Variants in HTRA1 observed in about 807,000 individuals in gnomAD.
HTRA1 encodes the protein HtrA serine peptidase 1.
A neutral mutation model predicts 49.7 loss-of-function variants in HTRA1; 26 were observed. That is an observed-to-expected ratio of 0.52 (90% CI 0.38 to 0.73). HTRA1 has a LOEUF of 0.73. Ranked by LOEUF, HTRA1 falls within the 30% of genes least tolerant of loss-of-function variation. The probability of loss-of-function intolerance (pLI) is 0.00; values close to 1 mark genes in which losing one functional copy is unlikely to be tolerated. For missense variants in HTRA1, 561 were observed against 667.2 expected, an observed-to-expected ratio of 0.84 and a Z score of 1.75; for synonymous variants, 291 against 286.9, an observed-to-expected ratio of 1.01 and a Z score of -0.14.
chr10:122,462,966 G>A (rs904025590), intron 1 of HTRA1, among the ~76,000 whole-genome samples: 2 of 152,270 alleles, frequency 1.3e-5, no homozygotes, highest in African/African-American at 4.8e-5. Context: ...ACTCTCTCGC[G>A]GGACCTTCCG....
In HTRA1 at chr10:122,506,507, G is replaced by A. The variant is rs1332064160; in HGVS notation, c.778-184G>A. ...GCACGGCTTGCAATGTGTGGATTAC[G>A]GGTGGGAGGGAAATCCAGTCCTGCC... On this transcript the variant is annotated intron_variant, in intron 3 of 8. Transcript: ENST00000368984. The surrounding 1 kb of genome is among the most constrained non-coding windows in gnomAD (Gnocchi z 5.2). Among the ~76,000 whole-genome samples, 9 of 152,062 alleles carry A rather than the reference G, an allele frequency of 5.9e-5. No individual in the cohort carries two copies. The highest frequency in any genetic ancestry group is 1.9e-4 in the African/African-American group (8 of 41,402).
chr10:122,496,523 G>C (rs927774679), intron 3 of HTRA1, among the ~76,000 whole-genome samples: 1 of 151,982 alleles, frequency 6.6e-6, no homozygotes, highest in African/African-American at 2.4e-5. Flanking sequence ...GCAATAGTGG[G>C]CAAAGCCATG....
At chr10:122,510,264 A>G (rs2097505014) in intron 7 of HTRA1, 111 bp downstream of exon 7, 2 of 849,610 alleles carry the variant, frequency 2.4e-6, no homozygotes, top group African/African-American at 3.3e-5. Context: ...AAGACGTCTC[A>G]GTTTCTGCTT....
Position 122,506,994 on chromosome 10 carries a change from T to C in HTRA1, c.972+109T>C. 1 of 991,950 alleles carries C rather than the reference T, an allele frequency of 1.0e-6. No homozygotes were observed. Among genetic ancestry groups the C allele is most frequent in the South Asian group, 1.4e-5 (1 of 73,094 alleles). 61.4% of individuals were successfully genotyped at this position (991,950 alleles called of 1,614,324 possible). The stretch of plus-strand genomic sequence containing the variant: ...CTTTGTTGTAGTCTGCGTGAAGGGA[T>C]GGAACTAGACCAAGCCATGTGGATT... On this transcript the variant is annotated intron_variant, in intron 4 of 8. Transcript: ENST00000368984. This position sits in a 1 kb window ranked among gnomAD's most constrained non-coding sequence, Gnocchi z 5.2.
In HTRA1 at chr10:122,469,529, C is replaced by T. The variant is rs73367772; in HGVS notation, c.472+7405C>T. On this transcript the variant is annotated intron_variant, in intron 1 of 8. Coordinates refer to ENST00000368984, the MANE Select transcript of HTRA1 (RefSeq NM_002775.5). ...AGCTATACAGGAATATTGTATTCTC[C>T]AGGACAGTTAGGGCAGTGGGAAATG... Among the ~76,000 whole-genome samples the T allele has an allele frequency of 2.6e-3, 390 of 152,280 alleles. 2 individuals carry two copies. Among genetic ancestry groups the T allele is most frequent in the African/African-American group, 9.1e-3 (379 of 41,554 alleles).
intron 3 of HTRA1, among the ~76,000 whole-genome samples, chr10:122,502,359 T>C (rs1037887688): frequency 6.6e-6 from 1 of 152,214 alleles, no homozygotes; most frequent in Non-Finnish European, 1.5e-5. Context: ...TTAATCATGC[T>C]GTGGGCCGCC....
chr10:122,486,069 T>C (rs776409378), intron 1 of HTRA1, among the ~76,000 whole-genome samples: 3 of 152,126 alleles, frequency 2.0e-5, no homozygotes, highest in Non-Finnish European at 4.4e-5. Flanking sequence ...CCTGGAAACC[T>C]AGGAGGGTAG....
chr10:122,465,627 G>T lies in HTRA1; in HGVS notation c.472+3503G>T, dbSNP rs577441442. 3.9e-5 allele frequency among the ~76,000 whole-genome samples: 6 copies of T among 152,356 alleles called. No individual in the cohort carries two copies. In the East Asian group the frequency reaches 1.2e-3, roughly 29 times the overall value. On this transcript the variant is annotated intron_variant, in intron 1 of 8. Transcript: ENST00000368984. ...CAGGGCTCCAGATGGCTGTGGCTTAGAGATGGAACAGGACAGATCACAGCC... is the reference window on the plus strand; with the variant it reads ...CAGGGCTCCAGATGGCTGTGGCTTATAGATGGAACAGGACAGATCACAGCC...
In HTRA1 at chr10:122,461,641, G is replaced by A. The variant is rs1345014087; in HGVS notation, c.-12G>A. 4.6e-6 allele frequency: 6 copies of A among 1,300,434 alleles called. No individual in the cohort carries two copies. Among genetic ancestry groups the A allele is most frequent in the South Asian group, 2.7e-5 (2 of 73,506 alleles). The allele number at this position is 1,300,434 out of a possible 1,614,324, so 80.6% of individuals were successfully genotyped here. On this transcript the variant is annotated 5_prime_UTR_variant, in exon 1 of 9. Transcript: ENST00000368984. ...CCTGTCCGCCGCCACCGCCGCCGCC[G>A]CCAGAGTCGCCATGCAGATCCCGCG...
At chr10:122,480,983 T>C (rs1332235701) in intron 1 of HTRA1, among the ~76,000 whole-genome samples, 1 of 152,172 alleles carries the variant, frequency 6.6e-6, no homozygotes, top group Non-Finnish European at 1.5e-5. Flanking sequence ...CTCCGTCATC[T>C]TGAAAATGCC....
chr10:122,502,756 G>T (rs1461008415), intron 3 of HTRA1, among the ~76,000 whole-genome samples: 2 of 152,166 alleles, frequency 1.3e-5, no homozygotes, highest in East Asian at 3.9e-4. Flanking sequence ...GTCCCCAAAG[G>T]TTTTGCACCA....
chr10:122,499,274 G>C (rs1006899409), intron 3 of HTRA1, among the ~76,000 whole-genome samples: 1 of 152,190 alleles, frequency 6.6e-6, no homozygotes, highest in Non-Finnish European at 1.5e-5. Context: ...ACAATGCCAA[G>C]TCGTGAGGCC....
chr10:122,508,589 C>A, intron 5 of HTRA1, 67 bp from the exon 6 acceptor site: 1 of 1,007,610 alleles, frequency 9.9e-7, no homozygotes, highest in Non-Finnish European at 1.6e-6. Flanking sequence ...CAGGCATATT[C>A]TCTCTGGGTG....
intron 1 of HTRA1, among the ~76,000 whole-genome samples, chr10:122,471,336 G>T (rs1416204888): frequency 6.6e-6 from 1 of 152,162 alleles, no homozygotes; most frequent in Non-Finnish European, 1.5e-5. Flanking sequence ...CATGTGCCTG[G>T]ATATCGTTCT....
intron 1 of HTRA1, among the ~76,000 whole-genome samples, chr10:122,481,915 G>A (rs940706737): frequency 2.6e-5 from 4 of 152,130 alleles, no homozygotes; most frequent in Admixed American, 2.6e-4. Flanking sequence ...ATGATTGTGA[G>A]GCTTCCCCAG....
At chr10:122,473,986 G>T (rs2736914) in intron 1 of HTRA1, among the ~76,000 whole-genome samples, 1 of 151,990 alleles carries the variant, frequency 6.6e-6, no homozygotes, top group African/African-American at 2.4e-5. Context: ...TCCCTGATGG[G>T]GAATCCTAAT....
intron 3 of HTRA1, among the ~76,000 whole-genome samples, chr10:122,498,350 C>T (rs765673684): frequency 3.3e-5 from 5 of 152,150 alleles, no homozygotes; most frequent in South Asian, 2.1e-4. Context: ...TTGGTCACAC[C>T]GTTCTTCTCA....
intron 1 of HTRA1, among the ~76,000 whole-genome samples, chr10:122,482,655 C>T (rs1179095406): frequency 1.3e-5 from 2 of 152,062 alleles, no homozygotes; most frequent in Non-Finnish European, 2.9e-5. Context: ...TGCGGTGGCT[C>T]ACACCTGTAG....
At chr10:122,497,219 T>C (rs941641701) in intron 3 of HTRA1, among the ~76,000 whole-genome samples, 2 of 152,220 alleles carry the variant, frequency 1.3e-5, no homozygotes, top group Non-Finnish European at 2.9e-5. Context: ...CTTCTTTGCT[T>C]TATCTACCAG....
Sources: gnomAD v4.1 joint callset for allele counts (sites outside exome capture counted in the v4.1 genomes callset) on GRCh38, gnomAD v4.1.1 for gene constraint, Gnocchi (gnomAD v3.1) non-coding constraint, MANE v1.5 for transcripts, NCBI Gene and HGNC (gene_info 2026-07-23, HGNC 2026-07-21) for gene names.